KDM5A: variants seen among roughly 807,000 people sequenced by gnomAD.
The protein encoded by KDM5A is lysine demethylase 5A.
KDM5A carries 42 observed loss-of-function variants against 193.5 expected under a neutral mutation model. That is an observed-to-expected ratio of 0.22 (90% CI 0.17 to 0.28). The LOEUF (loss-of-function observed/expected upper bound fraction) is 0.28. Ranked by LOEUF, KDM5A falls within the 10% of genes least tolerant of loss-of-function variation. The pLI is 1.00. For missense variants in KDM5A, 1,692 were observed against 2,055.1 expected, an observed-to-expected ratio of 0.82 and a Z score of 3.42; for synonymous variants, 796 against 718.1, an observed-to-expected ratio of 1.11 and a Z score of -1.73.
chr12:375,353 A>T (rs1049793332), intron 3 of KDM5A, among the ~76,000 whole-genome samples: 1 of 152,096 alleles, frequency 6.6e-6, no homozygotes. Context: ...CTTTCTTCCA[A>T]ATGATCAAAT....
In KDM5A at chr12:295,747, G is replaced by A. The variant is rs1323185628; in HGVS notation, c.4281C>T (p.Pro1427=). 3 of 1,613,912 alleles carry A rather than the reference G, an allele frequency of 1.9e-6. No homozygotes were observed. Among genetic ancestry groups the A allele is most frequent in the Non-Finnish European group, 8.5e-7 (1 of 1,179,972 alleles). Residue 1427 remains proline, a synonymous_variant, in exon 26 of 28, where the codon CCC becomes CCT. Coordinates refer to ENST00000399788, the MANE Select transcript of KDM5A (RefSeq NM_001042603.3). ...RKQPRKSPLV[P]RSLEPPVLEL... is the part of the protein sequence containing the mutation. ...CCAGCACTGGAGGTTCCAAACTTCG[G>A]GGCACCAAAGGGCTCTTCCGAGGTT...
chr12:306,527 C>G (rs1282114541), intron 24 of KDM5A, among the ~76,000 whole-genome samples: 2 of 151,976 alleles, frequency 1.3e-5, no homozygotes, highest in Non-Finnish European at 2.9e-5. Context: ...CAGGTCACTT[C>G]AGGTCAGGAG....
At chr12:384,349 G>C (rs1230212565) in intron 2 of KDM5A, among the ~76,000 whole-genome samples, 196 bp from the exon 3 acceptor site, 1 of 152,192 alleles carries the variant, frequency 6.6e-6, no homozygotes, top group African/African-American at 2.4e-5. Context: ...ATTGTGAACT[G>C]CGTGTGAGGG....
At chr12:348,352 G>A (rs1944105228) in intron 10 of KDM5A, among the ~76,000 whole-genome samples, 1 of 152,198 alleles carries the variant, frequency 6.6e-6, no homozygotes, top group African/African-American at 2.4e-5. Flanking sequence ...AGTCAGTGTG[G>A]CGATTCCTTA....
chr12:300,410 T>C (rs746293303), intron 24 of KDM5A, among the ~76,000 whole-genome samples: 1 of 152,044 alleles, frequency 6.6e-6, no homozygotes, highest in Non-Finnish European at 1.5e-5. Flanking sequence ...CACGGAAACT[T>C]AACAACCTGC....
chr12:351,994 C>T (rs1043421497), intron 9 of KDM5A, among the ~76,000 whole-genome samples: 1 of 149,826 alleles, frequency 6.7e-6, no homozygotes, highest in Admixed American at 6.7e-5. Flanking sequence ...GTCCCAGCTA[C>T]TCGGGAGGCT....
At chr12:292,305 T>C (rs751547759) in intron 27 of KDM5A, among the ~76,000 whole-genome samples, 1 of 152,218 alleles carries the variant, frequency 6.6e-6, no homozygotes, top group Non-Finnish European at 1.5e-5. Flanking sequence ...GTGTAAGATA[T>C]GGACTAAAAG....
intron 2 of KDM5A, 95 bp downstream of exon 2, chr12:385,802 T>C (rs751808367): frequency 2.2e-6 from 2 of 902,762 alleles, no homozygotes; most frequent in Admixed American, 3.4e-5. Context: ...TAACACAAAC[T>C]CTAGGCTGTG....
chr12:299,454 G>A (rs374440145), intron 24 of KDM5A, among the ~76,000 whole-genome samples: 22 of 152,224 alleles, frequency 1.4e-4, no homozygotes, highest in African/African-American at 4.8e-4. Context: ...ACTAAGCTTC[G>A]TAAGTGAAGG....
chr12:299,940 A>AAGAG (rs1943421827), intron 24 of KDM5A, among the ~76,000 whole-genome samples: 1 of 140,800 alleles, frequency 7.1e-6, no homozygotes, highest in African/African-American at 2.8e-5. Flanking sequence ...ATCAGAGACA[A>AAGAG]GGCCATTACA....
At chr12:347,114 TATC>T (rs1422531967) in intron 10 of KDM5A, among the ~76,000 whole-genome samples, 1 of 151,444 alleles carries the variant, frequency 6.6e-6, no homozygotes, top group East Asian at 1.9e-4. Context: ...CATTCTTATA[TATC>T]ATTAACAGAC....
At chr12:303,468 C>T (rs1259309541) in intron 24 of KDM5A, among the ~76,000 whole-genome samples, 1 of 152,158 alleles carries the variant, frequency 6.6e-6, no homozygotes, top group Non-Finnish European at 1.5e-5. Flanking sequence ...ACAACGAGAA[C>T]ATATGGACAC....
intron 12 of KDM5A, 142 bp from the exon 13 acceptor site, chr12:332,080 A>C (rs568831503): frequency 1.3e-6 from 1 of 743,912 alleles, no homozygotes; most frequent in Non-Finnish European, 2.2e-6. Context: ...TCAGAAAATG[A>C]TATCAGAAAT....
At chr12:300,322 T>C (rs1565526170) in intron 24 of KDM5A, among the ~76,000 whole-genome samples, 1 of 152,030 alleles carries the variant, frequency 6.6e-6, no homozygotes, top group Non-Finnish European at 1.5e-5. Context: ...ATGGAAATAA[T>C]AACAAACAGT....
In KDM5A at chr12:307,385, G is replaced by A. The variant is rs1283572214; in HGVS notation, c.3930+69C>T. 9 of 1,480,874 alleles carry A rather than the reference G, an allele frequency of 6.1e-6. No homozygotes were observed. Among genetic ancestry groups the A allele is most frequent in the Admixed American group, 1.7e-5 (1 of 59,530 alleles). 91.7% of individuals were successfully genotyped at this position (1,480,874 alleles called of 1,614,324 possible). ...ATTTTCCTAATCAATTGGTAAGACA[G>A]ACTCAATTTACTATTTATACACTGA... On this transcript the variant is annotated intron_variant, in intron 23 of 27. Coordinates refer to ENST00000399788, the MANE Select transcript of KDM5A (RefSeq NM_001042603.3). The surrounding 1 kb of genome is among the most constrained non-coding windows in gnomAD (Gnocchi z 4.3).
intron 24 of KDM5A, among the ~76,000 whole-genome samples, chr12:300,364 T>C (rs1463877537): frequency 6.6e-6 from 1 of 152,110 alleles, no homozygotes; most frequent in Non-Finnish European, 1.5e-5. Context: ...ATATTAGAAC[T>C]CAGGATTAAG....
At chr12:336,567 A>C (rs933314206) in intron 10 of KDM5A, among the ~76,000 whole-genome samples, 4 of 152,316 alleles carry the variant, frequency 2.6e-5, no homozygotes, top group Middle Eastern at 3.4e-3. Context: ...AATTTCATTG[A>C]AGAGACAAGG....
chr12:329,212 CA>C (rs1943832248), intron 13 of KDM5A, 183 bp from the exon 14 acceptor site: 1 of 611,014 alleles, frequency 1.6e-6, no homozygotes, highest in Non-Finnish European at 2.9e-6. Flanking sequence ...GCCAGAGTTT[CA>C]AAGGCTTTCC....
chr12:387,845 T>C (rs1412004747), intron 1 of KDM5A, among the ~76,000 whole-genome samples: 1 of 152,246 alleles, frequency 6.6e-6, no homozygotes, highest in Non-Finnish European at 1.5e-5. Context: ...TGCCTATCTC[T>C]GTGGTAGTCA....
Sources: allele counts gnomAD v4.1 joint callset (sites outside exome capture counted in the v4.1 genomes callset), GRCh38; gene constraint gnomAD v4.1.1; non-coding constraint Gnocchi (gnomAD v3.1); transcripts MANE v1.5; gene names NCBI Gene and HGNC (gene_info 2026-07-23, HGNC 2026-07-21).